Variants in MAP2K3 observed in about 807,000 individuals in gnomAD.
MAP2K3 encodes the protein mitogen-activated protein kinase kinase 3, also known as dual specificity mitogen-activated protein kinase kinase 3.
In MAP2K3, 30 loss-of-function variants were observed where a neutral mutation model predicts 46.4. The observed-to-expected ratio is 0.65, with a 90% CI of 0.48 to 0.88. MAP2K3 has a LOEUF of 0.88. Among genes scored for constraint, MAP2K3 ranks in the 40% least tolerant of loss-of-function variants. The probability of loss-of-function intolerance (pLI) is 0.00; values close to 1 mark genes in which losing one functional copy is unlikely to be tolerated. For missense variants in MAP2K3, 380 were observed against 464.5 expected, an observed-to-expected ratio of 0.82 and a Z score of 1.67; for synonymous variants, 189 against 176.3, an observed-to-expected ratio of 1.07 and a Z score of -0.57.
intron 9 of MAP2K3, among the ~76,000 whole-genome samples, chr17:21,307,663 A>G (rs1976961156): frequency 6.6e-6 from 1 of 152,252 alleles, no homozygotes; most frequent in Non-Finnish European, 1.5e-5. Context: ...TCATGTGGTT[A>G]TAACTTTATT....
intron 10 of MAP2K3, among the ~76,000 whole-genome samples, chr17:21,312,969 G>A (rs1977235313): frequency 6.6e-6 from 1 of 151,872 alleles, no homozygotes; most frequent in South Asian, 2.1e-4. Flanking sequence ...AAGGAAGAGG[G>A]CAACTTCTCT....
chr17:21,284,964 C>G lies in MAP2K3; in HGVS notation c.44C>G (p.Ser15Cys), dbSNP rs1282207373. The change falls in exon 1 of 12, where the codon TCC becomes TGC. Residue 15 changes from serine to cysteine, a missense_variant. Ser to Cys is a moderately radical substitution (Grantham distance 112). Transcript: ENST00000342679. ...ASSQPASMPQ[S>C]KGKSKRKKDL... ...AGCCAGCCCGCCAGCATGCCCCAGT[C>G]CAAAGGTAGGCGCTCCCGGCCGGGA... 2 of 1,611,268 alleles carry G rather than the reference C, an allele frequency of 1.2e-6. No homozygotes were observed. The highest frequency in any genetic ancestry group is 1.6e-4 in the Middle Eastern group (1 of 6,080).
intron 9 of MAP2K3, among the ~76,000 whole-genome samples, chr17:21,310,065 G>A (rs1048943760): frequency 2.6e-5 from 4 of 151,242 alleles, no homozygotes; most frequent in African/African-American, 7.3e-5. Context: ...CAGTGCAGTG[G>A]TGCAATCTCG....
intron 8 of MAP2K3, among the ~76,000 whole-genome samples, 174 bp downstream of exon 8, chr17:21,304,727 C>A: frequency 6.6e-6 from 1 of 152,312 alleles, no homozygotes; most frequent in Non-Finnish European, 1.5e-5. Flanking sequence ...CCCTTCTGTA[C>A]CCCGTTGTTA....
chr17:21,306,742 C>A (rs4986018), intron 9 of MAP2K3, among the ~76,000 whole-genome samples: 335 of 152,346 alleles, frequency 2.2e-3, no homozygotes, highest in Middle Eastern at 0.01. Flanking sequence ...CTCAGACTCG[C>A]AAAGTGCTGT....
At chr17:21,309,795 G>T (rs1230521914) in intron 9 of MAP2K3, among the ~76,000 whole-genome samples, 7 of 151,862 alleles carry the variant, frequency 4.6e-5, no homozygotes, top group Non-Finnish European at 8.8e-5. Flanking sequence ...TGTATTTTTA[G>T]TAGAGATGGG....
At position 21,298,873 on chromosome 17, in the gene MAP2K3, C is replaced by T. The variant is rs776831742; in HGVS notation, c.117-5C>T. The T allele has an allele frequency of 1.1e-5, 17 of 1,614,274 alleles. No homozygotes were observed. The highest frequency in any genetic ancestry group is 2.2e-5 in the South Asian group (2 of 91,092). ...TGAAGCTCACGGAGTCTTCTTTCTCCACAGACCCCCCCGGAACCTGGACTC... is the reference window on the plus strand; with the variant it reads ...TGAAGCTCACGGAGTCTTCTTTCTCTACAGACCCCCCCGGAACCTGGACTC... On this transcript the variant is annotated splice_region_variant and splice_polypyrimidine_tract_variant and intron_variant, in intron 2 of 11. Coordinates refer to ENST00000342679, the MANE Select transcript of MAP2K3 (RefSeq NM_145109.3).
intron 1 of MAP2K3, chr17:21,296,069 T>TC (rs1477624501): frequency 2.3e-6 from 3 of 1,288,974 alleles, no homozygotes; most frequent in Non-Finnish European, 3.0e-6. Context: ...GGGCAGTTTT[T>TC]TTTTTCACCT....
intron 7 of MAP2K3, among the ~76,000 whole-genome samples, chr17:21,304,016 T>C (rs1018758777): frequency 3.3e-3 from 508 of 152,062 alleles, no homozygotes; most frequent in African/African-American, 0.011. Flanking sequence ...GGGGACTCCA[T>C]GTCCAAACAC....
At chr17:21,296,258 G>A in intron 1 of MAP2K3, 1 of 1,191,606 alleles carries the variant, frequency 8.4e-7, no homozygotes, top group Non-Finnish European at 1.1e-6. Context: ...AGGAACCCAA[G>A]GTGCAGAGGA....
Position 21,314,580 on chromosome 17 carries a change from C to T in MAP2K3, c.*350C>T, listed in dbSNP as rs548064239. Reference sequence around the variant, plus strand: ...GCCAGTGCCTGGGTGGATGGGCCACCGCCTTGCCCAGCCTGGATGCCATCC... The same window carrying T: ...GCCAGTGCCTGGGTGGATGGGCCACTGCCTTGCCCAGCCTGGATGCCATCC... On this transcript the variant is annotated 3_prime_UTR_variant, in exon 12 of 12. Transcript: ENST00000342679. The T allele has an allele frequency of 4.1e-3, 1,205 of 294,818 alleles. 1 individual carries two copies. Among genetic ancestry groups the T allele is most frequent in the Non-Finnish European group, 5.5e-3 (847 of 154,676 alleles). 18.3% of individuals were successfully genotyped at this position (294,818 alleles called of 1,614,324 possible). A position where few individuals can be genotyped will look rare whatever the true frequency, so the allele number is the denominator to read the frequency against.
intron 3 of MAP2K3, among the ~76,000 whole-genome samples, chr17:21,300,220 T>G (rs1280479098): frequency 6.6e-6 from 1 of 152,312 alleles, no homozygotes; most frequent in Non-Finnish European, 1.5e-5. Flanking sequence ...AGTGACTCAT[T>G]CTAGCCAGCT....
intron 1 of MAP2K3, among the ~76,000 whole-genome samples, chr17:21,295,215 T>C (rs1230677089): frequency 6.6e-6 from 1 of 152,306 alleles, no homozygotes. Context: ...GGGGCTCTAG[T>C]TGGGGGTGAG....
rs1185810009 is a variant in MAP2K3, at chr17:21,301,118, TC to T, written c.399+130del. On this transcript the variant is annotated intron_variant, in intron 5 of 11. Coordinates refer to ENST00000342679, the MANE Select transcript of MAP2K3 (RefSeq NM_145109.3). The stretch of plus-strand genomic sequence containing the variant: ...GACACCTGGCATACTGGCAGGAGGC[TC>T]CCCCGTCTCTTGGCTGTTACTGTCC... 25 of 1,496,554 alleles carry T rather than the reference TC, an allele frequency of 1.7e-5. No individual in the cohort carries two copies. In the Admixed American group the frequency reaches 3.2e-4, roughly 19 times the overall value. 92.7% of individuals were successfully genotyped at this position (1,496,554 alleles called of 1,614,324 possible).
intron 9 of MAP2K3, among the ~76,000 whole-genome samples, chr17:21,310,497 G>A (rs1285434708): frequency 6.6e-6 from 1 of 152,076 alleles, no homozygotes; most frequent in East Asian, 1.9e-4. Flanking sequence ...GAGTCCCCCT[G>A]GGTGGGGCTC....
At position 21,284,743 on chromosome 17, in the gene MAP2K3, G is replaced by T. The variant is rs1440423532; in HGVS notation, c.-178G>T. ...CTCCGGCGCCGCCCGTCGCGGACTC[G>T]TCCTTGCTGCAGTCGCCGCCGCAGT... On this transcript the variant is annotated 5_prime_UTR_variant, in exon 1 of 12. Transcript: ENST00000342679. The T allele has an allele frequency of 6.8e-6, 4 of 585,388 alleles. No individual in the cohort carries two copies. Among genetic ancestry groups the T allele is most frequent in the African/African-American group, 2.0e-5 (1 of 50,068 alleles). The allele number at this position is 585,388 out of a possible 1,614,324, so 36.3% of individuals were successfully genotyped here.
intron 9 of MAP2K3, among the ~76,000 whole-genome samples, chr17:21,307,254 C>T (rs1291969132): frequency 6.6e-6 from 1 of 152,308 alleles, no homozygotes; most frequent in Admixed American, 6.5e-5. Flanking sequence ...TAAACTCAGG[C>T]TCCTTGTGGA....
At chr17:21,291,136 C>G (rs531344575) in intron 1 of MAP2K3, among the ~76,000 whole-genome samples, 2 of 152,284 alleles carry the variant, frequency 1.3e-5, no homozygotes, top group African/African-American at 4.8e-5. Context: ...CCCAGCTACT[C>G]GGGAGGCTGA....
chr17:21,307,841 C>G (rs1976969493), intron 9 of MAP2K3, among the ~76,000 whole-genome samples: 1 of 115,628 alleles, frequency 8.6e-6, no homozygotes, highest in Admixed American at 1.0e-4. Flanking sequence ...CCATGCCCGG[C>G]TATCTTTTTT....
Sources: gnomAD v4.1 joint callset for allele counts (sites outside exome capture counted in the v4.1 genomes callset) on GRCh38, gnomAD v4.1.1 for gene constraint, MANE v1.5 for transcripts, NCBI Gene and HGNC (gene_info 2026-07-23, HGNC 2026-07-21) for gene names.